The following RARB variants were observed in gnomAD, a reference collection of about 807,000 sequenced individuals.
RARB encodes HBV-activated protein.
In RARB, 17 loss-of-function variants were observed where a neutral mutation model predicts 51.9. The observed-to-expected ratio is 0.33, with a 90% CI of 0.22 to 0.49. RARB has a LOEUF of 0.49. Ranked by LOEUF, RARB falls within the 20% of genes least tolerant of loss-of-function variation. The pLI is 0.99. For synonymous variants in RARB, 215 were observed against 195.4 expected (o/e 1.10, Z -0.84); for missense variants, 369 against 550.8 (o/e 0.67, Z 3.30).
intron 2 of RARB, among the ~76,000 whole-genome samples, chr3:24,991,167 A>G (rs566931888): frequency 3.9e-5 from 6 of 152,318 alleles, no homozygotes; most frequent in Admixed American, 6.5e-5. Flanking sequence ...AGGGTTAGGC[A>G]CGGTGACTCA....
rs1183168172 is a variant in RARB at position 25,316,200 on chromosome 3, T to A, written c.178+141625T>A. On this transcript the variant is annotated intron_variant, in intron 5 of 11. Transcript: ENST00000383772. ...ATCTGAGGACCATTGTATCTATGTA[T>A]CTTTATTACATATTTATGTAATTTT... 5.3e-5 allele frequency among the ~76,000 whole-genome samples: 8 copies of A among 152,328 alleles called. No individual in the cohort carries two copies. The East Asian group carries it at 1.2e-3, about 22-fold the overall frequency.
rs1553622979 is a variant in RARB at position 25,492,998 on chromosome 3, T to TA, written c.307-8181dup. On this transcript the variant is annotated intron_variant, in intron 2 of 7. Transcript: ENST00000330688. ...ATTTATTACCTTTTTTTTTTTTTTTTAAACAAAAATAAACAACTCTCAGCT... is the reference window on the plus strand; with the variant it reads ...ATTTATTACCTTTTTTTTTTTTTTTTAAAACAAAAATAAACAACTCTCAGCT... 2.5e-3 allele frequency among the ~76,000 whole-genome samples: 371 copies of TA among 151,196 alleles called. 1 individual carries two copies. Among genetic ancestry groups the TA allele is most frequent in the African/African-American group, 8.6e-3 (353 of 41,092 alleles).
chr3:25,198,706 C>T (rs1166333390), intron 5 of RARB, among the ~76,000 whole-genome samples: 1 of 152,068 alleles, frequency 6.6e-6, no homozygotes, highest in Non-Finnish European at 1.5e-5. Flanking sequence ...CCTTACTGAG[C>T]ATCAGAGAAA....
At chr3:24,863,455 T>C (rs1702792466) in intron 2 of RARB, among the ~76,000 whole-genome samples, 1 of 152,168 alleles carries the variant, frequency 6.6e-6, no homozygotes, top group Non-Finnish European at 1.5e-5. Flanking sequence ...TCATTTAGCA[T>C]GATGGGCCTT....
At chr3:25,500,386 C>G (rs2125604071) in intron 2 of RARB, among the ~76,000 whole-genome samples, 1 of 149,302 alleles carries the variant, frequency 6.7e-6, no homozygotes, top group South Asian at 2.1e-4. Context: ...TAAAAGAACT[C>G]AGAGAAGACT....
rs147677110 is a variant in RARB at position 25,342,258 on chromosome 3, A to G, written c.179-118935A>G. ...TAGTCACAGTATGAAGGGAAGGTAGAACTAATAAACTCTATGTATAACATT... is the reference window on the plus strand; with the variant it reads ...TAGTCACAGTATGAAGGGAAGGTAGGACTAATAAACTCTATGTATAACATT... On this transcript the variant is annotated intron_variant, in intron 5 of 11. Coordinates refer to the RARB transcript ENST00000383772. Among the ~76,000 whole-genome samples the G allele has an allele frequency of 4.4e-3, 673 of 152,356 alleles. 3 individuals are homozygous for G. The highest frequency in any genetic ancestry group is 0.015 in the African/African-American group (642 of 41,586).
chr3:25,531,261 G>A (rs1198891735), intron 3 of RARB, among the ~76,000 whole-genome samples: 1 of 152,064 alleles, frequency 6.6e-6, no homozygotes, highest in African/African-American at 2.4e-5. Flanking sequence ...TGGGTTCCAG[G>A]GCCAAAGAAA....
At chr3:25,495,236 G>C (rs1696965402) in intron 2 of RARB, among the ~76,000 whole-genome samples, 1 of 152,202 alleles carries the variant, frequency 6.6e-6, no homozygotes, top group African/African-American at 2.4e-5. Context: ...GCAATAGTTT[G>C]AGGGTATCAG....
At chr3:24,911,008 A>G (rs573576036) in intron 2 of RARB, among the ~76,000 whole-genome samples, 2 of 152,372 alleles carry the variant, frequency 1.3e-5, no homozygotes, top group African/African-American at 4.8e-5. Context: ...TGCTTCCAGC[A>G]GAATAAATTT....
chr3:25,418,924 A>G (rs1707781043), intron 5 of RARB, among the ~76,000 whole-genome samples: 1 of 151,626 alleles, frequency 6.6e-6, no homozygotes, highest in African/African-American at 2.4e-5. Flanking sequence ...TGAGGCCACA[A>G]TAACAAAAGA....
chr3:25,116,629 G>A (rs1699692254), intron 3 of RARB, among the ~76,000 whole-genome samples: 1 of 151,872 alleles, frequency 6.6e-6, no homozygotes, highest in Non-Finnish European at 1.5e-5. Context: ...TAACTAGCTT[G>A]CATTACACTG....
intron 2 of RARB, among the ~76,000 whole-genome samples, chr3:24,904,310 A>C (rs1429939399): frequency 1.3e-5 from 2 of 152,192 alleles, no homozygotes; most frequent in Non-Finnish European, 2.9e-5. Flanking sequence ...GGATATTATT[A>C]GGAAATGCCA....
At chr3:25,211,934 T>A (rs1701708716) in intron 5 of RARB, among the ~76,000 whole-genome samples, 1 of 152,190 alleles carries the variant, frequency 6.6e-6, no homozygotes, top group Admixed American at 6.5e-5. Flanking sequence ...ATATACAACT[T>A]TATTTCCCCA....
chr3:25,545,320 G>T (rs1196350988), intron 3 of RARB, among the ~76,000 whole-genome samples: 1 of 152,096 alleles, frequency 6.6e-6, no homozygotes, highest in Non-Finnish European at 1.5e-5. Context: ...GGGCTCTACT[G>T]AACCACAAGG....
intron 2 of RARB, among the ~76,000 whole-genome samples, chr3:24,879,713 G>A (rs981604213): frequency 2.0e-5 from 3 of 152,038 alleles, no homozygotes; most frequent in Non-Finnish European, 4.4e-5. Context: ...TAGGATCACC[G>A]TGGCAGAAGT....
At chr3:25,128,036 T>A (rs1387712956) in intron 3 of RARB, among the ~76,000 whole-genome samples, 2 of 152,038 alleles carry the variant, frequency 1.3e-5, no homozygotes, top group Admixed American at 1.3e-4. Flanking sequence ...AAGCAAACAT[T>A]TGCTAACCGG....
intron 5 of RARB, among the ~76,000 whole-genome samples, chr3:25,189,237 C>A (rs1701043571): frequency 6.6e-6 from 1 of 152,184 alleles, no homozygotes; most frequent in South Asian, 2.1e-4. Context: ...GGTCCAAACC[C>A]TGTCTCCAGG....
At chr3:24,937,315 G>C (rs1695566507) in intron 2 of RARB, among the ~76,000 whole-genome samples, 1 of 152,154 alleles carries the variant, frequency 6.6e-6, no homozygotes, top group African/African-American at 2.4e-5. Context: ...TCTATGTGGA[G>C]TGCAGTATGC....
intron 2 of RARB, among the ~76,000 whole-genome samples, chr3:24,910,825 G>A (rs1354504596): frequency 6.6e-6 from 1 of 152,194 alleles, no homozygotes; most frequent in Non-Finnish European, 1.5e-5. Flanking sequence ...TGCTGCTGCT[G>A]CATTACACTG....
Sources: allele counts gnomAD v4.1 joint callset (sites outside exome capture counted in the v4.1 genomes callset), GRCh38; gene constraint gnomAD v4.1.1; transcripts MANE v1.5; gene names NCBI Gene and HGNC (gene_info 2026-07-23, HGNC 2026-07-21).